Variants in LOC128462377 observed in about 807,000 individuals in gnomAD.
At chr16:89,396,568 A>T in the LOC128462377 span, among the ~76,000 whole-genome samples, 1 of 152,266 alleles carries the variant, frequency 6.6e-6, no homozygotes, top group Non-Finnish European at 1.5e-5. Flanking sequence ...AACTAGAACA[A>T]CATATTTACC....
the LOC128462377 span, among the ~76,000 whole-genome samples, chr16:89,337,061 C>T: frequency 3.6e-3 from 544 of 149,700 alleles, 11 homozygotes; most frequent in Admixed American, 0.028. Flanking sequence ...TGGTGCACAC[C>T]TGCAGTCCCA....
the LOC128462377 span, chr16:89,323,279 G>T: frequency 7.8e-7 from 1 of 1,288,338 alleles, no homozygotes; most frequent in Non-Finnish European, 1.0e-6. Context: ...GGCCTACTGT[G>T]TGCAAAGCCC....
At chr16:89,317,880 C>A in the LOC128462377 span, among the ~76,000 whole-genome samples, 1 of 152,180 alleles carries the variant, frequency 6.6e-6, no homozygotes, top group African/African-American at 2.4e-5. Context: ...GGCTCCCATG[C>A]AACCCAATCA....
At chr16:89,323,209 C>T in the LOC128462377 span, 13 of 883,918 alleles carry the variant, frequency 1.5e-5, no homozygotes, top group African/African-American at 1.0e-4. Context: ...AAGTCTCCAA[C>T]GGACTGAGCG....
At chr16:89,385,262 C>T in the LOC128462377 span, among the ~76,000 whole-genome samples, 1 of 151,880 alleles carries the variant, frequency 6.6e-6, no homozygotes, top group African/African-American at 2.4e-5. Context: ...CGTCTCAGCT[C>T]ACTGCACAGG....
At chr16:89,418,166 G>C in the LOC128462377 span, 3 of 412,040 alleles carry the variant, frequency 7.3e-6, no homozygotes, top group South Asian at 5.1e-5. Context: ...ACAACATTTC[G>C]ACAAAACTCT....
At chr16:89,354,168 C>T in the LOC128462377 span, among the ~76,000 whole-genome samples, 1 of 150,308 alleles carries the variant, frequency 6.7e-6, no homozygotes, top group Non-Finnish European at 1.5e-5. Flanking sequence ...GAAAGTATAC[C>T]TTTACCCATT....
chr16:89,370,040 G>A, the LOC128462377 span, among the ~76,000 whole-genome samples: 42 of 152,340 alleles, frequency 2.8e-4, no homozygotes, highest in Admixed American at 8.5e-4. Flanking sequence ...ATCCAGTAAC[G>A]AGAACGCAAA....
the LOC128462377 span, among the ~76,000 whole-genome samples, chr16:89,381,331 C>CAAAAAAAAAAAAAAAAAA: frequency 1.3e-5 from 1 of 76,354 alleles, no homozygotes; most frequent in African/African-American, 5.7e-5. Flanking sequence ...GACTCTGCTG[C>CAAAAAAAAAAAAAAAAAA]AAAAAAAAAA....
At chr16:89,403,634 C>T in the LOC128462377 span, 1 of 152,222 alleles carries the variant, frequency 6.6e-6, no homozygotes, top group Admixed American at 6.5e-5. Flanking sequence ...GAAGGGATTT[C>T]AAAACACTTC....
the LOC128462377 span, among the ~76,000 whole-genome samples, chr16:89,371,132 G>A: frequency 6.6e-6 from 1 of 152,300 alleles, no homozygotes; most frequent in African/African-American, 2.4e-5. Context: ...CGGGACGAGC[G>A]TCTTGACTTT....
At chr16:89,388,610 T>C in the LOC128462377 span, among the ~76,000 whole-genome samples, 5 of 152,058 alleles carry the variant, frequency 3.3e-5, no homozygotes, top group African/African-American at 9.7e-5. Context: ...GGAAAATATT[T>C]GCACCTGAGA....
At chr16:89,398,483 C>G in the LOC128462377 span, among the ~76,000 whole-genome samples, 3 of 152,022 alleles carry the variant, frequency 2.0e-5, no homozygotes, top group Admixed American at 6.5e-5. Context: ...CTCTGGAAGG[C>G]TGACATGAGG....
At chr16:89,326,108 A>G in the LOC128462377 span, among the ~76,000 whole-genome samples, 1 of 152,254 alleles carries the variant, frequency 6.6e-6, no homozygotes, top group Non-Finnish European at 1.5e-5. Flanking sequence ...CAAGATACAA[A>G]CTAAATGTGA....
At chr16:89,357,017 A>G in the LOC128462377 span, among the ~76,000 whole-genome samples, 1 of 152,160 alleles carries the variant, frequency 6.6e-6, no homozygotes, top group African/African-American at 2.4e-5. Flanking sequence ...TCCCAATGCT[A>G]ATGGTTCAAC....
the LOC128462377 span, chr16:89,324,640 T>C: frequency 2.6e-6 from 1 of 390,006 alleles, no homozygotes; most frequent in Non-Finnish European, 5.1e-6. Context: ...GGCTGAGTCT[T>C]CCAGCCTCCA....
the LOC128462377 span, among the ~76,000 whole-genome samples, chr16:89,367,285 C>T: frequency 6.6e-6 from 1 of 152,242 alleles, no homozygotes; most frequent in Admixed American, 6.5e-5. Context: ...ACTCCTGCCG[C>T]AGGGGCCAGT....
the LOC128462377 span, among the ~76,000 whole-genome samples, chr16:89,331,537 C>T: frequency 6.6e-6 from 1 of 152,200 alleles, no homozygotes; most frequent in Non-Finnish European, 1.5e-5. Context: ...GAAAATGGCA[C>T]ATTTAGGAAA....
chr16:89,324,148 G>A, the LOC128462377 span: 2 of 1,012,646 alleles, frequency 2.0e-6, no homozygotes, highest in Non-Finnish European at 2.5e-6. Flanking sequence ...CTGCAGCCCT[G>A]TTTCCACTCA....
Sources: gnomAD v4.1 joint callset for allele counts (sites outside exome capture counted in the v4.1 genomes callset) on GRCh38, gnomAD v4.1.1 for gene constraint, MANE v1.5 for transcripts.